The following XPO4 variants were observed in gnomAD, a reference collection of about 807,000 sequenced individuals.
The protein encoded by XPO4 is exportin-4.
In XPO4, 39 loss-of-function variants were observed where a neutral mutation model predicts 143.0. The ratio of observed to expected loss-of-function variants is 0.27; its 90% CI spans 0.21 to 0.36. XPO4 has a LOEUF of 0.36. XPO4 is among the 10% of genes least tolerant of loss of function. The pLI is 1.00. For synonymous variants in XPO4, 439 were observed against 474.0 expected, an observed-to-expected ratio of 0.93 and a Z score of 0.96; for missense variants, 907 against 1,348.0, an observed-to-expected ratio of 0.67 and a Z score of 5.12.
At chr13:20,836,369 C>T (rs1317593878) in intron 6 of XPO4, among the ~76,000 whole-genome samples, 1 of 152,154 alleles carries the variant, frequency 6.6e-6, no homozygotes, top group Middle Eastern at 3.2e-3. Context: ...CTTGAAACAT[C>T]ATCTATCTTT....
intron 1 of XPO4, among the ~76,000 whole-genome samples, chr13:20,888,513 G>A (rs554562312): frequency 6.6e-6 from 1 of 152,120 alleles, no homozygotes; most frequent in South Asian, 2.1e-4. Context: ...TCCACACATG[G>A]ATAATTTTTT....
intron 6 of XPO4, among the ~76,000 whole-genome samples, chr13:20,829,141 T>G (rs2059822374): frequency 6.6e-6 from 1 of 152,188 alleles, no homozygotes; most frequent in African/African-American, 2.4e-5. Flanking sequence ...TTGTTTTTAA[T>G]GAGACAGGGT....
intron 13 of XPO4, among the ~76,000 whole-genome samples, chr13:20,806,700 A>C (rs569244796): frequency 6.6e-6 from 1 of 151,402 alleles, no homozygotes; most frequent in African/African-American, 2.4e-5. Context: ...CTACAGGCGT[A>C]CACCACCACA....
chr13:20,878,517 T>A (rs1490470899), intron 1 of XPO4, among the ~76,000 whole-genome samples: 1 of 152,236 alleles, frequency 6.6e-6, no homozygotes, highest in Non-Finnish European at 1.5e-5. Flanking sequence ...ACTACAGCTA[T>A]ATTTACCAAC....
intron 22 of XPO4, among the ~76,000 whole-genome samples, chr13:20,785,669 GAA>G (rs758292471): frequency 1.6e-5 from 2 of 127,664 alleles, no homozygotes. Context: ...CCCTGTCTCA[GAA>G]AAAAAAAAAA....
At chr13:20,851,434 G>A (rs2060085004) in intron 4 of XPO4, 1 of 984,976 alleles carries the variant, frequency 1.0e-6, no homozygotes, top group Non-Finnish European at 1.2e-6. Context: ...TTGACTTTAG[G>A]CCAGGCATGG....
At chr13:20,830,672 T>C (rs1026522158) in intron 6 of XPO4, among the ~76,000 whole-genome samples, 1 of 152,046 alleles carries the variant, frequency 6.6e-6, no homozygotes, top group Non-Finnish European at 1.5e-5. Flanking sequence ...ATAATAAACG[T>C]TTATATGGAA....
intron 1 of XPO4, among the ~76,000 whole-genome samples, chr13:20,870,089 C>CAAAAAAAA (rs59710121): frequency 3.0e-5 from 3 of 98,906 alleles, no homozygotes; most frequent in African/African-American, 8.9e-5. Flanking sequence ...GAAGGAGTCT[C>CAAAAAAAA]AAAAAAAAAA....
chr13:20,900,731 C>T (rs1367574950), intron 1 of XPO4, among the ~76,000 whole-genome samples: 2 of 151,810 alleles, frequency 1.3e-5, no homozygotes, highest in East Asian at 3.9e-4. Context: ...CCTGTCTTCG[C>T]CTCCAGAGTA....
intron 4 of XPO4, chr13:20,852,629 ATATTT>A: frequency 1.0e-6 from 1 of 960,272 alleles, no homozygotes; most frequent in Non-Finnish European, 1.2e-6. Context: ...TTTGATTATA[ATATTT>A]TATAACATTT....
intron 6 of XPO4, among the ~76,000 whole-genome samples, chr13:20,834,943 G>C (rs1196153709): frequency 1.3e-5 from 2 of 152,164 alleles, no homozygotes; most frequent in Non-Finnish European, 2.9e-5. Flanking sequence ...CTGGGTGACA[G>C]AGCAAGACCC....
intron 2 of XPO4, chr13:20,868,382 T>A (rs910324759): frequency 1.5e-6 from 1 of 650,082 alleles, no homozygotes; most frequent in East Asian, 4.3e-5. Flanking sequence ...GAACACTATA[T>A]CTAGGGGGGA....
At chr13:20,855,594 GTTAATA>G (rs2060136205) in intron 4 of XPO4, 27 bp downstream of exon 4, 1 of 1,468,960 alleles carries the variant, frequency 6.8e-7, no homozygotes, top group Middle Eastern at 2.5e-4. Context: ...AATATAAATT[GTTAATA>G]TTTATAAATA....
At position 20,827,189 on chromosome 13, in the gene XPO4, T is replaced by A; in HGVS notation, c.728-10A>T. 2.5e-6 allele frequency: 4 copies of A among 1,583,256 alleles called. No homozygotes were observed. The highest frequency in any genetic ancestry group is 3.5e-6 in the Non-Finnish European group (4 of 1,152,114). ...ATATAATGTCTGCCCAGTTATTTGG[T>A]GTCAAGGTCAACAACAATAACATTC... is the stretch of plus-strand genomic sequence containing the variant. On this transcript the variant is annotated splice_polypyrimidine_tract_variant and intron_variant, in intron 6 of 22. Coordinates refer to ENST00000255305, the MANE Select transcript of XPO4 (RefSeq NM_022459.5).
At chr13:20,875,154 A>C (rs1162265006) in intron 1 of XPO4, among the ~76,000 whole-genome samples, 1 of 152,202 alleles carries the variant, frequency 6.6e-6, no homozygotes, top group East Asian at 1.9e-4. Context: ...TTCACTAAAA[A>C]TTTTAAGTTA....
At chr13:20,788,059 T>G (rs1180592630) in intron 20 of XPO4, among the ~76,000 whole-genome samples, 1 of 72,354 alleles carries the variant, frequency 1.4e-5, no homozygotes, top group Non-Finnish European at 2.3e-5. Context: ...GTTTTTTTGT[T>G]TTTTTTTTTT....
intron 1 of XPO4, among the ~76,000 whole-genome samples, chr13:20,876,955 A>G (rs1595154674): frequency 6.6e-6 from 1 of 152,322 alleles, no homozygotes; most frequent in East Asian, 1.9e-4. Flanking sequence ...GTCCATGCCC[A>G]CATCCTGCTG....
At chr13:20,850,038 G>T in intron 4 of XPO4, 1 of 845,044 alleles carries the variant, frequency 1.2e-6, no homozygotes, top group Non-Finnish European at 1.4e-6. Context: ...CCCAGGAGGC[G>T]GAGGTTGTAG....
chr13:20,809,066 CT>C lies in XPO4; in HGVS notation c.1493+16del, dbSNP rs1435715447. 6.2e-7 allele frequency: 1 copy of C among 1,608,796 alleles called. No individual in the cohort carries two copies. ...AGAGAATATTTGCTCCATGGGGTTTCTTTGGACTGTGTGTACCTTGTCAGAA... is the reference window on the plus strand; with the variant it reads ...AGAGAATATTTGCTCCATGGGGTTTCTTGGACTGTGTGTACCTTGTCAGAA... On this transcript the variant is annotated intron_variant, in intron 11 of 22. Transcript: ENST00000255305.
Sources: gnomAD v4.1 joint callset for allele counts (sites outside exome capture counted in the v4.1 genomes callset) on GRCh38, gnomAD v4.1.1 for gene constraint, MANE v1.5 for transcripts, NCBI Gene and HGNC (gene_info 2026-07-23, HGNC 2026-07-21) for gene names.